PRIMA1: variants seen among roughly 807,000 people sequenced by gnomAD.
The protein encoded by PRIMA1 is proline rich membrane anchor 1, also known as proline-rich membrane anchor 1.
Under a neutral mutation model 17.5 loss-of-function variants are expected in PRIMA1, and 7 were observed. That is an observed-to-expected ratio of 0.40 (90% confidence interval 0.23 to 0.75). The LOEUF (loss-of-function observed/expected upper bound fraction) is 0.75, where lower values mean the gene tolerates loss of function less well. Ranked by LOEUF, PRIMA1 falls within the 30% of genes least tolerant of loss-of-function variation. The pLI, the probability that PRIMA1 is intolerant of heterozygous loss-of-function variation, is 0.37. For missense variants in PRIMA1, 200 were observed against 201.8 expected (o/e 0.99, Z 0.05); for synonymous variants, 97 against 77.9 (o/e 1.25, Z -1.29).
chr14:93,750,649 T>A (rs1369141199), intron 3 of PRIMA1, among the ~76,000 whole-genome samples: 1 of 152,182 alleles, frequency 6.6e-6, no homozygotes, highest in African/African-American at 2.4e-5. Context: ...TAAGATACAC[T>A]ATCTCGCCTT....
intron 4 of PRIMA1, among the ~76,000 whole-genome samples, chr14:93,729,163 A>G (rs1453619276): frequency 6.6e-6 from 1 of 152,256 alleles, no homozygotes; most frequent in Non-Finnish European, 1.5e-5. Flanking sequence ...GACTAAGCAC[A>G]GGTGCCAGCT....
intron 3 of PRIMA1, among the ~76,000 whole-genome samples, chr14:93,748,480 CG>C (rs1224688195): frequency 6.6e-6 from 1 of 152,116 alleles, no homozygotes; most frequent in Non-Finnish European, 1.5e-5. Flanking sequence ...TCTGAGGAGG[CG>C]ACGTTCAAGC....
At chr14:93,751,052 T>C (rs1014824827) in intron 3 of PRIMA1, among the ~76,000 whole-genome samples, 1 of 152,212 alleles carries the variant, frequency 6.6e-6, no homozygotes, top group Admixed American at 6.5e-5. Context: ...GTGACAACAT[T>C]CCCTGGAAGG....
intron 3 of PRIMA1, among the ~76,000 whole-genome samples, chr14:93,752,848 C>T (rs1158531082): frequency 1.3e-5 from 2 of 152,252 alleles, no homozygotes; most frequent in Non-Finnish European, 2.9e-5. Context: ...AAATGCCCAT[C>T]TGCCCAATGG....
chr14:93,746,563 G>A (rs2076219883), intron 3 of PRIMA1, among the ~76,000 whole-genome samples: 2 of 152,068 alleles, frequency 1.3e-5, no homozygotes. Flanking sequence ...GGGACCACAT[G>A]GGGCCATGGG....
At chr14:93,743,714 C>T (rs928142183) in intron 3 of PRIMA1, among the ~76,000 whole-genome samples, 6 of 152,234 alleles carry the variant, frequency 3.9e-5, no homozygotes, top group Non-Finnish European at 7.3e-5. Context: ...CCTGGTGACT[C>T]GGCCATGGGG....
At chr14:93,753,727 G>A (rs2076274345) in intron 3 of PRIMA1, among the ~76,000 whole-genome samples, 1 of 152,194 alleles carries the variant, frequency 6.6e-6, no homozygotes, top group Admixed American at 6.5e-5. Context: ...GAGAGATGAT[G>A]CTGCCCCCTT....
chr14:93,756,771 T>TC (rs2076293380), intron 3 of PRIMA1, among the ~76,000 whole-genome samples: 1 of 151,736 alleles, frequency 6.6e-6, no homozygotes, highest in Non-Finnish European at 1.5e-5. Context: ...GCCCCTCTCC[T>TC]CCCCCAATCC....
In PRIMA1 at chr14:93,787,766, G is replaced by A. The variant is rs554389338; in HGVS notation, c.-31-17C>T. The stretch of plus-strand genomic sequence containing the variant: ...TGGGGCGAACTGTCAGGAGAGCAAG[G>A]CTAGGGTCAGGCGGACACCGCGCAG... On this transcript the variant is annotated splice_polypyrimidine_tract_variant and intron_variant, in intron 1 of 4. Transcript: ENST00000393140. 1.5e-5 allele frequency: 23 copies of A among 1,532,712 alleles called. No homozygotes were observed. The highest frequency in any genetic ancestry group is 7.9e-5 in the Admixed American group (4 of 50,756). 94.9% of individuals were successfully genotyped at this position (1,532,712 alleles called of 1,614,324 possible).
chr14:93,787,936 ACT>A (rs894588654), intron 1 of PRIMA1, among the ~76,000 whole-genome samples, 187 bp from the exon 2 acceptor site: 3 of 151,606 alleles, frequency 2.0e-5, no homozygotes, highest in Non-Finnish European at 2.9e-5. Flanking sequence ...CAGAATTCAC[ACT>A]CTTCTTACGC....
At chr14:93,733,718 T>A (rs1229815453) in intron 4 of PRIMA1, among the ~76,000 whole-genome samples, 1 of 152,208 alleles carries the variant, frequency 6.6e-6, no homozygotes, top group Admixed American at 6.5e-5. Context: ...TTTTAATGGT[T>A]TTGCAGTGAC....
In PRIMA1 at chr14:93,720,891, T is replaced by C. The variant is rs1429827698; in HGVS notation, c.*553A>G. On this transcript the variant is annotated 3_prime_UTR_variant, in exon 5 of 5. Coordinates refer to ENST00000393140, the MANE Select transcript of PRIMA1 (RefSeq NM_178013.4). ...GGAGGGAGAAGGCAGGCCCTGAAGA[T>C]TGACAACAACTGCAGATGGGGCGAT... The C allele has an allele frequency of 2.6e-5, 4 of 153,088 alleles. No homozygotes were observed. Among genetic ancestry groups the C allele is most frequent in the Admixed American group, 1.3e-4 (2 of 15,378 alleles). The allele number at this position is 153,088 out of a possible 1,614,324, so 9.5% of individuals were successfully genotyped here. A position where few individuals can be genotyped will look rare whatever the true frequency, so the allele number is the denominator to read the frequency against.
intron 4 of PRIMA1, among the ~76,000 whole-genome samples, chr14:93,729,603 A>G (rs1244484909): frequency 6.6e-6 from 1 of 152,120 alleles, no homozygotes; most frequent in African/African-American, 2.4e-5. Flanking sequence ...GGCCTGGCCA[A>G]CCTTTTCTTC....
intron 3 of PRIMA1, among the ~76,000 whole-genome samples, chr14:93,748,068 ATG>A (rs1471098121): frequency 3.4e-5 from 5 of 147,930 alleles, no homozygotes; most frequent in African/African-American, 1.3e-4. Flanking sequence ...GTGAGTGTGA[ATG>A]TGTATGTGTG....
chr14:93,726,352 A>G lies in PRIMA1; in HGVS notation c.360-4806T>C, dbSNP rs1178015948. On this transcript the variant is annotated intron_variant, in intron 4 of 4. Coordinates refer to ENST00000393140, the MANE Select transcript of PRIMA1 (RefSeq NM_178013.4). The surrounding 1 kb of genome is among the most constrained non-coding windows in gnomAD (Gnocchi z 4.2). ...GATGGAGGAGATGGAGGCAAAGAAC[A>G]ACTCTGGGAGCCTAAGAAGGGAGGC... Among the ~76,000 whole-genome samples the G allele has an allele frequency of 2.0e-5, 3 of 152,088 alleles. No homozygotes were observed. Among genetic ancestry groups the G allele is most frequent in the Non-Finnish European group, 2.9e-5 (2 of 67,994 alleles).
chr14:93,727,851 A>G (rs2076088833), intron 4 of PRIMA1, among the ~76,000 whole-genome samples: 1 of 152,190 alleles, frequency 6.6e-6, no homozygotes, highest in Admixed American at 6.5e-5. Context: ...GAATACACAA[A>G]GCCATCTGTT....
intron 4 of PRIMA1, 114 bp from the exon 5 acceptor site, chr14:93,721,660 G>A (rs2076039716): frequency 1.5e-6 from 1 of 677,872 alleles, no homozygotes; most frequent in Non-Finnish European, 2.6e-6. Context: ...CCGTGAGAGT[G>A]TCAGAAGGAA....
rs1157790175 is a variant in PRIMA1, at chr14:93,721,169, C to A, written c.*275G>T. The A allele has an allele frequency of 4.5e-6, 2 of 443,496 alleles. No homozygotes were observed. Among genetic ancestry groups the A allele is most frequent in the Non-Finnish European group, 8.1e-6 (2 of 247,754 alleles). 27.5% of individuals were successfully genotyped at this position (443,496 alleles called of 1,614,324 possible). On this transcript the variant is annotated 3_prime_UTR_variant, in exon 5 of 5. Transcript: ENST00000393140. Reference sequence around the variant, plus strand: ...ACAGCAGCTGGGGGCAGTCGACAGACCAGACACCAGACAGGGAGGAGGATG... The same window carrying A: ...ACAGCAGCTGGGGGCAGTCGACAGAACAGACACCAGACAGGGAGGAGGATG...
intron 3 of PRIMA1, among the ~76,000 whole-genome samples, chr14:93,768,744 C>G (rs534489156): frequency 6.6e-6 from 1 of 151,840 alleles, no homozygotes; most frequent in South Asian, 2.1e-4. Context: ...AAGACTGAAA[C>G]AATTCCTTTT....
Sources: gnomAD v4.1 joint callset for allele counts (sites outside exome capture counted in the v4.1 genomes callset) on GRCh38, gnomAD v4.1.1 for gene constraint, Gnocchi (gnomAD v3.1) non-coding constraint, MANE v1.5 for transcripts, NCBI Gene and HGNC (gene_info 2026-07-23, HGNC 2026-07-21) for gene names.